Variants in C1orf116 observed in about 807,000 individuals in gnomAD.
C1orf116 encodes specifically androgen-regulated gene protein.
A neutral mutation model predicts 14.1 loss-of-function variants in C1orf116; 12 were observed. The observed-to-expected ratio is 0.85, with a 90% CI of 0.54 to 1.38. The LOEUF (loss-of-function observed/expected upper bound fraction) is 1.38, where lower values mean the gene tolerates loss of function less well. Ranked by LOEUF, C1orf116 falls within the 40% of genes most tolerant of loss-of-function variation. The pLI is 0.00. For missense variants in C1orf116, 797 were observed against 747.0 expected (o/e 1.07, Z -0.78); for synonymous variants, 296 against 299.0 (o/e 0.99, Z 0.10).
chr1:207,021,948 G>A lies in C1orf116; in HGVS notation c.*10C>T, dbSNP rs377415672. Reference sequence around the variant, plus strand: ...TTCAGCCAGGACAGGGTCTGTACTGGTCGCAGAGTCTACTCCTTCAACAGT... The same window carrying A: ...TTCAGCCAGGACAGGGTCTGTACTGATCGCAGAGTCTACTCCTTCAACAGT... On this transcript the variant is annotated 3_prime_UTR_variant, in exon 4 of 4. Transcript: ENST00000359470. The A allele has an allele frequency of 1.3e-5, 20 of 1,518,212 alleles. No individual in the cohort carries two copies. In the Admixed American group the frequency reaches 3.8e-4, roughly 29 times the overall value. The allele number at this position is 1,518,212 out of a possible 1,614,324, so 94.0% of individuals were successfully genotyped here. A position where few individuals can be genotyped will look rare whatever the true frequency, so the allele number is the denominator to read the frequency against.
intron 2 of C1orf116, among the ~76,000 whole-genome samples, 170 bp from the exon 3 acceptor site, chr1:207,025,234 C>T (rs1402222328): frequency 2.0e-5 from 3 of 152,204 alleles, no homozygotes; most frequent in Non-Finnish European, 2.9e-5. Context: ...AAACCTTTCC[C>T]TCCTGCTACT....
At chr1:207,031,933 A>G (rs1160269529) in intron 1 of C1orf116, among the ~76,000 whole-genome samples, 1 of 152,158 alleles carries the variant, frequency 6.6e-6, no homozygotes, top group Non-Finnish European at 1.5e-5. Context: ...ATCCAAATAA[A>G]CTTGACTTTG....
In C1orf116 at chr1:207,027,539, G is replaced by T; in HGVS notation, c.60C>A (p.Gly20=). 1 of 1,613,774 alleles carries T rather than the reference G, an allele frequency of 6.2e-7. No homozygotes were observed. ...GTGSEPVTRV[G]SCDSMMSSTS... Reference sequence around the variant, plus strand: ...TGCTGCTCATCATGCTGTCACAGCTGCCGACACGGGTCACGGGTTCTGAGC... The same window carrying T: ...TGCTGCTCATCATGCTGTCACAGCTTCCGACACGGGTCACGGGTTCTGAGC... Residue 20 remains glycine (G), a synonymous_variant, in exon 2 of 4, where the codon GGC becomes GGA. Transcript: ENST00000359470.
Position 207,027,504 on chromosome 1 carries a change from C to G in C1orf116, c.95G>C (p.Arg32Pro). 1 of 1,613,830 alleles carries G rather than the reference C, an allele frequency of 6.2e-7. No individual in the cohort carries two copies. Among genetic ancestry groups the G allele is most frequent in the Non-Finnish European group, 8.5e-7 (1 of 1,180,018 alleles). The change falls in exon 2 of 4, where the codon CGC becomes CCC. Residue 32 changes from arginine (R) to proline (P), a missense_variant. By Grantham distance (103) the Arg-to-Pro change is moderately radical. Coordinates refer to ENST00000359470, the MANE Select transcript of C1orf116 (RefSeq NM_023938.6). ...CDSMMSSTST[R>P]SGSSDSSYDF... ...GAGAGTATTACGTACAGATCCAGAG[C>G]GGGTGGAGGTGCTGCTCATCATGCT...
chr1:207,031,542 A>G (rs1198939709), intron 1 of C1orf116, among the ~76,000 whole-genome samples: 2 of 152,136 alleles, frequency 1.3e-5, no homozygotes, highest in Non-Finnish European at 2.9e-5. Context: ...AGGGCTTCCC[A>G]CTTCCCTCTT....
rs140857192 is a variant in C1orf116 at position 207,022,067 on chromosome 1, C to T, written c.1697G>A (p.Arg566His). 2.5e-5 allele frequency: 40 copies of T among 1,608,824 alleles called. No individual in the cohort carries two copies. Among genetic ancestry groups the T allele is most frequent in the Admixed American group, 2.0e-4 (12 of 59,228 alleles). ...SKRLSYQGQS[R>H]DKLPRPPCVS... The stretch of plus-strand genomic sequence containing the variant: ...ACAGGGGGGGCGAGGAAGCTTGTCA[C>T]GGCTCTGTCCTTGGTAGGACAGGCG... The change falls in exon 4 of 4, where the codon CGT becomes CAT. Residue 566 changes from arginine (R) to histidine (H), a missense_variant. Physicochemically the swap from Arg to His is conservative, Grantham distance 29 (BLOSUM62 0). Coordinates refer to ENST00000359470, the MANE Select transcript of C1orf116 (RefSeq NM_023938.6).
Position 207,023,285 on chromosome 1 carries a change from T to A in C1orf116, c.479A>T (p.Glu160Val), listed in dbSNP as rs1228736724. Residue 160 changes from glutamate (E) to valine (V), a missense_variant, in exon 4 of 4, where the codon GAA (glutamate) becomes GTA (valine). Coordinates refer to ENST00000359470, the MANE Select transcript of C1orf116 (RefSeq NM_023938.6). ...TTQASSHNPG[E>V]PGRLAPEPEK... Reference sequence around the variant, plus strand: ...AGGCTCTGGCGCAAGCCTCCCCGGTTCTCCAGGGTTGTGACTGCTAGCCTG... The same window carrying A: ...AGGCTCTGGCGCAAGCCTCCCCGGTACTCCAGGGTTGTGACTGCTAGCCTG... 6.2e-7 allele frequency: 1 copy of A among 1,614,064 alleles called. No homozygotes were observed. Among genetic ancestry groups the A allele is most frequent in the South Asian group, 1.1e-5 (1 of 91,074 alleles).
chr1:207,031,613 G>A (rs1035918917), intron 1 of C1orf116, among the ~76,000 whole-genome samples: 4 of 152,218 alleles, frequency 2.6e-5, no homozygotes, highest in African/African-American at 7.2e-5. Context: ...CCCCAAGATG[G>A]ATAATGGAGA....
At position 207,023,163 on chromosome 1, in the gene C1orf116, G is replaced by C; in HGVS notation, c.601C>G (p.Pro201Ala). The part of the protein sequence containing the change: ...LDLDVVLIPP[P>A]EAFRDTQPEQ... ...GGCTGGGTGTCCCGGAAAGCTTCTG[G>C]CGGAGGGATGAGCACCACGTCCAAG... is the stretch of plus-strand genomic sequence containing the variant. The change falls in exon 4 of 4, where the codon CCA (proline) becomes GCA (alanine). Residue 201 changes from proline to alanine, a missense_variant. Transcript: ENST00000359470. 6.2e-7 allele frequency: 1 copy of C among 1,610,942 alleles called. No individual in the cohort carries two copies. Among genetic ancestry groups the C allele is most frequent in the South Asian group, 1.1e-5 (1 of 90,738 alleles).
At position 207,023,353 on chromosome 1, in the gene C1orf116, A is replaced by C; in HGVS notation, c.411T>G (p.Asn137Lys). 3 of 1,614,062 alleles carry C rather than the reference A, an allele frequency of 1.9e-6. No homozygotes were observed. Residue 137 changes from asparagine (N) to lysine (K), a missense_variant, in exon 4 of 4, where the codon AAT (asparagine) becomes AAG (lysine). Asn to Lys is a moderately conservative substitution (Grantham distance 94, BLOSUM62 0). Transcript: ENST00000359470. Reference sequence around the variant, plus strand: ...AGTTCTGGCTTCTGGCAATGTGGATATTCCTAGGGAGGCTGTAGGAGCCAG... The same window carrying C: ...AGTTCTGGCTTCTGGCAATGTGGATCTTCCTAGGGAGGCTGTAGGAGCCAG... ...LRSGSYSLPR[N>K]IHIARSQNFR...
chr1:207,023,585 C>A, intron 3 of C1orf116, 105 bp from the exon 4 acceptor site: 1 of 1,420,010 alleles, frequency 7.0e-7, no homozygotes, highest in Non-Finnish European at 9.3e-7. Flanking sequence ...ACTCTGATCC[C>A]AAACTAGCAA....
chr1:207,023,983 C>T (rs1416452413), intron 3 of C1orf116, among the ~76,000 whole-genome samples: 1 of 152,218 alleles, frequency 6.6e-6, no homozygotes, highest in Non-Finnish European at 1.5e-5. Context: ...TATTTTGGGC[C>T]TCCCAGATAA....
chr1:207,027,608 C>A lies in C1orf116; in HGVS notation c.-10G>T. ...GCTCCCTCTCGGGCATCACCCGAAA[C>A]AAGGTGCAGGGATGGCAAAGGGGGC... On this transcript the variant is annotated 5_prime_UTR_variant, in exon 2 of 4. Coordinates refer to ENST00000359470, the MANE Select transcript of C1orf116 (RefSeq NM_023938.6). 1 of 1,611,166 alleles carries A rather than the reference C, an allele frequency of 6.2e-7. No individual in the cohort carries two copies.
Position 207,022,824 on chromosome 1 carries a change from A to G in C1orf116, c.940T>C (p.Phe314Leu). ...AGCCAGTGCTGGGGGTCACTGTGGA[A>G]ACTGCTTCGGCTGCTCTTCAGAACA... ...NIVLKSSRSS[F>L]HSDPQHWLSR... Residue 314 changes from phenylalanine to leucine, a missense_variant, in exon 4 of 4, where the codon TTC becomes CTC. Coordinates refer to ENST00000359470, the MANE Select transcript of C1orf116 (RefSeq NM_023938.6). 6.2e-7 allele frequency: 1 copy of G among 1,614,046 alleles called. No homozygotes were observed. Among genetic ancestry groups the G allele is most frequent in the Non-Finnish European group, 8.5e-7 (1 of 1,180,010 alleles).
At position 207,019,832 on chromosome 1, in the gene C1orf116, G is replaced by C. The variant is rs901107; in HGVS notation, c.*2126C>G. The C allele has an allele frequency of 6.6e-6, 1 of 151,908 alleles. No homozygotes were observed. Among genetic ancestry groups the C allele is most frequent in the East Asian group, 1.9e-4 (1 of 5,190 alleles). 9.4% of individuals were successfully genotyped at this position (151,908 alleles called of 1,614,324 possible). A position where few individuals can be genotyped will look rare whatever the true frequency, so the allele number is the denominator to read the frequency against. On this transcript the variant is annotated 3_prime_UTR_variant, in exon 4 of 4. Coordinates refer to ENST00000359470, the MANE Select transcript of C1orf116 (RefSeq NM_023938.6). Reference sequence around the variant, plus strand: ...GGTGCAGGATGTCTGTGACTTTGTCGTGTGTGGGAGAAATGACCTTTCTCA... The same window carrying C: ...GGTGCAGGATGTCTGTGACTTTGTCCTGTGTGGGAGAAATGACCTTTCTCA...
chr1:207,029,318 A>G (rs1239506484), intron 1 of C1orf116, among the ~76,000 whole-genome samples: 1 of 152,184 alleles, frequency 6.6e-6, no homozygotes, highest in Admixed American at 6.5e-5. Context: ...AAGCCCAATG[A>G]TAAATAAATG....
intron 1 of C1orf116, among the ~76,000 whole-genome samples, chr1:207,031,576 C>A (rs1176130994): frequency 6.6e-6 from 1 of 152,182 alleles, no homozygotes; most frequent in Non-Finnish European, 1.5e-5. Flanking sequence ...GGAAAAGAGT[C>A]AAAGTTAGGG....
intron 2 of C1orf116, 102 bp downstream of exon 2, chr1:207,027,392 G>A: frequency 1.3e-5 from 18 of 1,400,906 alleles, no homozygotes; most frequent in Non-Finnish European, 1.8e-5. Context: ...GAAAGAGAAG[G>A]TGCAGTGAGC....
intron 2 of C1orf116, among the ~76,000 whole-genome samples, chr1:207,026,938 A>T (rs55696978): frequency 0.094 from 14,248 of 152,212 alleles, 2,149 homozygotes; most frequent in African/African-American, 0.32. Context: ...TACCTGTATC[A>T]CATTTACTCC....
Sources: gnomAD v4.1 joint callset for allele counts (sites outside exome capture counted in the v4.1 genomes callset) on GRCh38, gnomAD v4.1.1 for gene constraint, MANE v1.5 for transcripts, NCBI Gene and HGNC (gene_info 2026-07-23, HGNC 2026-07-21) for gene names.